The following LRIT3 variants were observed in gnomAD, a reference collection of about 807,000 sequenced individuals.
LRIT3 encodes leucine-rich repeat, immunoglobulin-like domain and transmembrane domain-containing protein 3.
LRIT3 carries 14 observed loss-of-function variants against 22.6 expected under a neutral mutation model. That is an observed-to-expected ratio of 0.62 (90% CI 0.41 to 0.97). The LOEUF (loss-of-function observed/expected upper bound fraction) is 0.97, where lower values mean the gene tolerates loss of function less well. Ranked by LOEUF, LRIT3 falls within the 50% of genes least tolerant of loss-of-function variation. LRIT3 has a pLI of 0.00. For synonymous variants in LRIT3, 306 were observed against 304.5 expected, an observed-to-expected ratio of 1.01 and a Z score of -0.05; for missense variants, 783 against 803.0, an observed-to-expected ratio of 0.98 and a Z score of 0.30.
chr4:109,867,851 T>C lies in LRIT3; in HGVS notation c.800T>C (p.Leu267Pro). 1 of 1,614,170 alleles carries C rather than the reference T, an allele frequency of 6.2e-7. No individual in the cohort carries two copies. The highest frequency in any genetic ancestry group is 1.1e-5 in the South Asian group (1 of 91,088). The change falls in exon 3 of 4, where the codon CTG (leucine) becomes CCG (proline). Residue 267 changes from leucine (L) to proline (P), a missense_variant. Leu to Pro is a moderately conservative substitution (Grantham distance 98). Around this residue, in one of 2 missense-constraint regions of LRIT3, gnomAD observed 756 missense variants for 753.8 expected, o/e 1.00. Coordinates refer to ENST00000594814, the MANE Select transcript of LRIT3 (RefSeq NM_198506.5). ...TCAGCCACCAAAATCATGTCTGCTCTGGGCAGTAATGTTCTACTGCGGTGT... is the reference window on the plus strand; with the variant it reads ...TCAGCCACCAAAATCATGTCTGCTCCGGGCAGTAATGTTCTACTGCGGTGT... The part of the protein sequence containing the change: ...MTSATKIMSA[L>P]GSNVLLRCDA...
intron 3 of LRIT3, 103 bp from the exon 4 acceptor site, chr4:109,869,542 T>TGA: frequency 8.8e-7 from 1 of 1,131,730 alleles, no homozygotes; most frequent in Non-Finnish European, 1.3e-6. Flanking sequence ...TTGGCTTCTG[T>TGA]GAGAGGATGC....
At chr4:109,861,333 G>T (rs1734540315) in intron 2 of LRIT3, among the ~76,000 whole-genome samples, 2 of 139,186 alleles carry the variant, frequency 1.4e-5, no homozygotes, top group South Asian at 4.5e-4. Context: ...ACTACATCCT[G>T]GGTGGAAAAA....
At chr4:109,855,834 A>G (rs972134095) in intron 2 of LRIT3, among the ~76,000 whole-genome samples, 52 of 152,136 alleles carry the variant, frequency 3.4e-4, no homozygotes, top group Non-Finnish European at 1.2e-4. Flanking sequence ...TCCAGTTTCC[A>G]TGTAGTTGAG....
chr4:109,851,853 G>T lies in LRIT3; in HGVS notation c.466G>T (p.Ala156Ser). The T allele has an allele frequency of 6.4e-7, 1 of 1,551,630 alleles. No homozygotes were observed. Among genetic ancestry groups the T allele is most frequent in the Non-Finnish European group, 8.7e-7 (1 of 1,146,998 alleles). Reference protein sequence around the residue: ...NEALRYLKNLAYLDLSSNRLT... With the variant: ...NEALRYLKNLSYLDLSSNRLT... ...GGCGCTCAGGTATCTGAAGAACCTT[G>T]CCTACTTGGATTTATCAAGCAACAG... The change falls in exon 2 of 4, where the codon GCC (alanine) becomes TCC (serine). Residue 156 changes from alanine to serine, a missense_variant. By Grantham distance (99) the Ala-to-Ser change is moderately conservative. Transcript: ENST00000594814.
chr4:109,865,286 C>A, intron 2 of LRIT3: 1 of 1,597,406 alleles, frequency 6.3e-7, no homozygotes, highest in Non-Finnish European at 8.6e-7. Context: ...GTGAGAATGT[C>A]ATTTCCTATT....
At chr4:109,869,259 GA>G (rs1205290995) in intron 3 of LRIT3, among the ~76,000 whole-genome samples, 1 of 152,090 alleles carries the variant, frequency 6.6e-6, no homozygotes, top group Non-Finnish European at 1.5e-5. Flanking sequence ...ACTTAAAATT[GA>G]AAGGGACCTT....
At chr4:109,857,148 A>G (rs1292339633) in intron 2 of LRIT3, among the ~76,000 whole-genome samples, 2 of 152,252 alleles carry the variant, frequency 1.3e-5, no homozygotes, top group African/African-American at 4.8e-5. Context: ...TTTTTGAACT[A>G]ATATGCATCT....
chr4:109,853,740 A>T (rs1404595743), intron 2 of LRIT3, among the ~76,000 whole-genome samples: 2 of 152,020 alleles, frequency 1.3e-5, no homozygotes, highest in Admixed American at 1.3e-4. Context: ...CTTACATTTA[A>T]GTCTTTAATC....
chr4:109,856,529 C>T (rs937794286), intron 2 of LRIT3, among the ~76,000 whole-genome samples: 2 of 152,146 alleles, frequency 1.3e-5, no homozygotes, highest in Admixed American at 6.5e-5. Context: ...GTTAAGTGTG[C>T]TTGAGAGGCC....
chr4:109,851,161 C>T (rs946305586), intron 1 of LRIT3, among the ~76,000 whole-genome samples: 3 of 152,136 alleles, frequency 2.0e-5, no homozygotes, highest in South Asian at 2.1e-4. Context: ...CATGTAAAAC[C>T]GAGGTTGTTG....
intron 2 of LRIT3, chr4:109,865,087 T>C (rs1734643564): frequency 7.1e-7 from 1 of 1,408,564 alleles, no homozygotes; most frequent in Non-Finnish European, 9.3e-7. Context: ...TTTGGTTTCT[T>C]TTAGTCTATG....
intron 2 of LRIT3, among the ~76,000 whole-genome samples, chr4:109,864,909 C>T (rs955005135): frequency 2.6e-5 from 4 of 152,170 alleles, no homozygotes; most frequent in Non-Finnish European, 5.9e-5. Context: ...AGAAAAGTCA[C>T]AAACTTGAAA....
rs765187464 is a variant in LRIT3 at position 109,869,791 on chromosome 4, A to G, written c.1042A>G (p.Ile348Val). 3.7e-6 allele frequency: 6 copies of G among 1,613,850 alleles called. No individual in the cohort carries two copies. In the South Asian group the frequency reaches 6.6e-5, roughly 18 times the overall value. The change falls in exon 4 of 4, where the codon ATT becomes GTT. Residue 348 changes from isoleucine to valine, a missense_variant. Physicochemically the swap from Ile to Val is conservative, Grantham distance 29. This residue lies in a region of LRIT3 where 756 missense variants were observed against 753.8 expected (regional missense o/e 1.00). Coordinates refer to ENST00000594814, the MANE Select transcript of LRIT3 (RefSeq NM_198506.5). Reference sequence around the variant, plus strand: ...TGTGGTTACTGTGACAGTGCTTGGCATTACCACAACTCCAATACCACCAGA... The same window carrying G: ...TGTGGTTACTGTGACAGTGCTTGGCGTTACCACAACTCCAATACCACCAGA... ...EAVVTVTVLG[I>V]TTTPIPPDTS... is the part of the protein sequence containing the mutation.
chr4:109,850,418 C>T (rs1464886228), intron 1 of LRIT3, among the ~76,000 whole-genome samples: 6,090 of 27,914 alleles, frequency 0.22, 727 homozygotes, highest in East Asian at 0.23. Flanking sequence ...TTCCTTCCTT[C>T]CTTCCTTTCT....
intron 2 of LRIT3, among the ~76,000 whole-genome samples, chr4:109,856,936 A>G (rs1311826762): frequency 6.6e-6 from 1 of 152,202 alleles, no homozygotes; most frequent in Non-Finnish European, 1.5e-5. Flanking sequence ...TAATGTAAAA[A>G]TAAATCGTTT....
chr4:109,854,912 G>A (rs1181825842), intron 2 of LRIT3, among the ~76,000 whole-genome samples: 1 of 152,106 alleles, frequency 6.6e-6, no homozygotes, highest in Non-Finnish European at 1.5e-5. Context: ...TGCATCCCAG[G>A]GATGAAGCCA....
Position 109,848,228 on chromosome 4 carries a change from T to C in LRIT3, c.27T>C (p.Ile9=). 8.1e-7 allele frequency: 1 copy of C among 1,232,052 alleles called. No homozygotes were observed. 76.3% of individuals were successfully genotyped at this position (1,232,052 alleles called of 1,614,324 possible). A position where few individuals can be genotyped will look rare whatever the true frequency, so the allele number is the denominator to read the frequency against. MHLFACLC[I]VLSFLEGVGC... Reference sequence around the variant, plus strand: ...TGCATCTCTTTGCATGTCTGTGCATTGTCCTTAGCTTTTTGGAAGGAGTGG... The same window carrying C: ...TGCATCTCTTTGCATGTCTGTGCATCGTCCTTAGCTTTTTGGAAGGAGTGG... Residue 9 remains isoleucine, a synonymous_variant, in exon 1 of 4, where the codon ATT becomes ATC. Transcript: ENST00000594814.
Position 109,867,471 on chromosome 4 carries a change from C to T in LRIT3, c.590-170C>T, listed in dbSNP as rs61248624. On this transcript the variant is annotated intron_variant, in intron 2 of 3. Coordinates refer to ENST00000594814, the MANE Select transcript of LRIT3 (RefSeq NM_198506.5). ...GAACTAATGGACAGGATATGTTCAC[C>T]GAGATTGCTGGATTGCAGAGCAAAA... 8.2e-3 allele frequency among the ~76,000 whole-genome samples: 1,246 copies of T among 152,120 alleles called. 18 individuals are homozygous for T. Among genetic ancestry groups the T allele is most frequent in the African/African-American group, 0.028 (1,178 of 41,488 alleles).
At chr4:109,850,422 C>CCTTCCTTTTCTTT (rs66553123) in intron 1 of LRIT3, among the ~76,000 whole-genome samples, 1 of 55,088 alleles carries the variant, frequency 1.8e-5, no homozygotes, top group Non-Finnish European at 3.5e-5. Flanking sequence ...TTCCTTCCTT[C>CCTTCCTTTTCTTT]CTTTCTTTCT....
Sources: gnomAD v4.1 joint callset for allele counts (sites outside exome capture counted in the v4.1 genomes callset) on GRCh38, gnomAD v4.1.1 for gene constraint, gnomAD v4.1.1 regional missense constraint, MANE v1.5 for transcripts, NCBI Gene and HGNC (gene_info 2026-07-23, HGNC 2026-07-21) for gene names.